ASTN2: variants seen among roughly 807,000 people sequenced by gnomAD.
ASTN2 encodes the protein astrotactin 2.
ASTN2 carries 54 observed loss-of-function variants against 139.8 expected under a neutral mutation model. The ratio of observed to expected loss-of-function variants is 0.39; its 90% CI spans 0.31 to 0.48. ASTN2 has a LOEUF of 0.48. Among genes scored for constraint, ASTN2 ranks in the 20% least tolerant of loss-of-function variants. The pLI is 0.95. For synonymous variants in ASTN2, 756 were observed against 719.5 expected, an observed-to-expected ratio of 1.05 and a Z score of -0.81; for missense variants, 1,565 against 1,725.1, an observed-to-expected ratio of 0.91 and a Z score of 1.64.
chr9:116,658,830 C>T (rs1321351361), intron 16 of ASTN2, among the ~76,000 whole-genome samples: 1 of 150,604 alleles, frequency 6.6e-6, no homozygotes, highest in East Asian at 2.0e-4. Flanking sequence ...CCATTCCCAC[C>T]TCTTAATGCT....
intron 1 of ASTN2, among the ~76,000 whole-genome samples, chr9:117,387,698 G>C (rs919206607): frequency 6.6e-6 from 1 of 152,116 alleles, no homozygotes; most frequent in African/African-American, 2.4e-5. Context: ...AGATCCACAG[G>C]CTTCCTAGCA....
At position 116,863,882 on chromosome 9, in the gene ASTN2, C is replaced by T. The variant is rs1184379016; in HGVS notation, c.1890-149G>A. ...CAATATTATAAAAAGGAAACAACAA[C>T]AGGTATACCATCATATGACACGGTG... On this transcript the variant is annotated intron_variant, in intron 10 of 22. Coordinates refer to ENST00000313400, the MANE Select transcript of ASTN2 (RefSeq NM_001365068.1). 4.5e-6 allele frequency: 4 copies of T among 888,242 alleles called. 1 individual carries two copies. In the South Asian group the frequency reaches 6.1e-5, roughly 14 times the overall value. The allele number at this position is 888,242 out of a possible 1,614,324, so 55.0% of individuals were successfully genotyped here.
intron 19 of ASTN2, among the ~76,000 whole-genome samples, chr9:116,519,342 A>T (rs1319120665): frequency 1.3e-5 from 2 of 151,816 alleles, no homozygotes; most frequent in African/African-American, 4.8e-5. Context: ...CTGAAAATCA[A>T]CTCCAAAAAA....
chr9:117,139,067 G>C (rs1830015068), intron 4 of ASTN2, among the ~76,000 whole-genome samples: 1 of 152,160 alleles, frequency 6.6e-6, no homozygotes, highest in African/African-American at 2.4e-5. Flanking sequence ...AAAGGCTATA[G>C]ACTTGGAGTC....
chr9:117,175,471 A>G (rs1830893456), intron 3 of ASTN2, among the ~76,000 whole-genome samples: 1 of 152,152 alleles, frequency 6.6e-6, no homozygotes, highest in Non-Finnish European at 1.5e-5. Context: ...GTAATGAGAG[A>G]AAAATAGCTA....
At chr9:116,513,415 T>C (rs185623719) in intron 19 of ASTN2, among the ~76,000 whole-genome samples, 631 of 152,340 alleles carry the variant, frequency 4.1e-3, no homozygotes, top group Non-Finnish European at 7.2e-3. Context: ...CCAACCTTTC[T>C]CTCTGACTGC....
intron 10 of ASTN2, among the ~76,000 whole-genome samples, chr9:116,957,214 C>T (rs769019592): frequency 1.3e-5 from 2 of 152,022 alleles, no homozygotes; most frequent in South Asian, 2.1e-4. Flanking sequence ...TTTCTCTCTA[C>T]GAATACATGT....
chr9:116,501,847 TATA>T (rs1849866174), intron 19 of ASTN2, among the ~76,000 whole-genome samples: 1 of 149,682 alleles, frequency 6.7e-6, no homozygotes, highest in African/African-American at 2.5e-5. Flanking sequence ...AAACTTAAAG[TATA>T]ATAATAAAAA....
intron 16 of ASTN2, among the ~76,000 whole-genome samples, chr9:116,654,515 G>C (rs1233510535): frequency 6.6e-6 from 1 of 152,046 alleles, no homozygotes; most frequent in Non-Finnish European, 1.5e-5. Flanking sequence ...TCTCCGGGGA[G>C]AAAAAATAGA....
intron 5 of ASTN2, among the ~76,000 whole-genome samples, chr9:117,086,444 C>G (rs551207725): frequency 6.6e-6 from 1 of 152,004 alleles, no homozygotes; most frequent in Non-Finnish European, 1.5e-5. Flanking sequence ...CATGGTGGCA[C>G]GTGCCTGTAG....
intron 3 of ASTN2, among the ~76,000 whole-genome samples, chr9:117,192,828 G>A (rs1009974957): frequency 8.5e-5 from 13 of 152,204 alleles, no homozygotes; most frequent in African/African-American, 3.1e-4. Flanking sequence ...TCATGGATGA[G>A]TGACTTAATG....
chr9:117,405,882 C>T (rs933035246), intron 1 of ASTN2, among the ~76,000 whole-genome samples: 1 of 152,196 alleles, frequency 6.6e-6, no homozygotes, highest in South Asian at 2.1e-4. Flanking sequence ...ACATTGTTCT[C>T]ATTAGCCATC....
At chr9:116,752,254 G>C (rs934260416) in intron 13 of ASTN2, among the ~76,000 whole-genome samples, 1 of 152,194 alleles carries the variant, frequency 6.6e-6, no homozygotes, top group African/African-American at 2.4e-5. Context: ...AGAAAAGGTA[G>C]TCTTTTTGAC....
intron 7 of ASTN2, among the ~76,000 whole-genome samples, chr9:116,992,784 C>A (rs960044367): frequency 6.6e-6 from 1 of 152,202 alleles, no homozygotes; most frequent in Non-Finnish European, 1.5e-5. Flanking sequence ...TTCACCAGAA[C>A]CTCCCTGGGG....
chr9:117,074,134 T>C (rs986454597), intron 5 of ASTN2, among the ~76,000 whole-genome samples: 3 of 152,132 alleles, frequency 2.0e-5, no homozygotes, highest in Non-Finnish European at 4.4e-5. Context: ...TGGGGTTATC[T>C]GGGATTCTTA....
chr9:117,339,899 T>C, intron 1 of ASTN2, among the ~76,000 whole-genome samples: 1 of 144,698 alleles, frequency 6.9e-6, no homozygotes. Context: ...GGAAATAGTC[T>C]CTTTTACAAA....
chr9:117,313,612 G>A (rs1221827702), intron 1 of ASTN2, among the ~76,000 whole-genome samples: 3 of 152,174 alleles, frequency 2.0e-5, no homozygotes, highest in Non-Finnish European at 4.4e-5. Flanking sequence ...TCAGGCACAA[G>A]TTGAGGATAT....
intron 4 of ASTN2, among the ~76,000 whole-genome samples, chr9:117,140,572 TAGG>T (rs1830049927): frequency 7.4e-6 from 1 of 135,768 alleles, no homozygotes; most frequent in Non-Finnish European, 1.6e-5. Context: ...GGAAGAGAAG[TAGG>T]AGGAGATGAA....
rs923448342 is a variant in ASTN2 at position 117,234,535 on chromosome 9, T to C, written c.631-19793A>G. 1.3e-4 allele frequency among the ~76,000 whole-genome samples: 20 copies of C among 152,268 alleles called. No homozygotes were observed. In the East Asian group the frequency reaches 3.9e-3, roughly 29 times the overall value. ...CAGAACGGACAGGAACTCAGAGATC[T>C]TAAGGTTAGCTGACATTGTTAGGAT... On this transcript the variant is annotated intron_variant, in intron 2 of 22. Coordinates refer to ENST00000313400, the MANE Select transcript of ASTN2 (RefSeq NM_001365068.1).
Sources: allele counts gnomAD v4.1 joint callset (sites outside exome capture counted in the v4.1 genomes callset), GRCh38; gene constraint gnomAD v4.1.1; transcripts MANE v1.5; gene names NCBI Gene and HGNC (gene_info 2026-07-23, HGNC 2026-07-21).